The following HDHD2 variants were observed in gnomAD, a reference collection of about 807,000 sequenced individuals.
The protein encoded by HDHD2 is haloacid dehalogenase-like hydrolase domain-containing protein 2.
Under a neutral mutation model 24.8 loss-of-function variants are expected in HDHD2, and 26 were observed. The ratio of observed to expected loss-of-function variants is 1.05; its 90% CI spans 0.77 to 1.45. The LOEUF is 1.45. Ranked by LOEUF, HDHD2 falls within the 40% of genes most tolerant of loss-of-function variation. The pLI, the probability that HDHD2 is intolerant of heterozygous loss-of-function variation, is 0.00. For missense variants in HDHD2, 299 were observed against 313.4 expected, an observed-to-expected ratio of 0.95 and a Z score of 0.35; for synonymous variants, 128 against 114.9, an observed-to-expected ratio of 1.11 and a Z score of -0.73.
chr18:47,135,163 C>A (rs866597244), intron 2 of HDHD2, among the ~76,000 whole-genome samples: 1 of 152,066 alleles, frequency 6.6e-6, no homozygotes, highest in Non-Finnish European at 1.5e-5. Context: ...TTCTTGATTC[C>A]CCAAATGAAA....
Position 47,134,583 on chromosome 18 carries a change from A to T in HDHD2, c.223T>A (p.Ser75Thr). ...AGTAAACTTCTGGCTGCAGTCAGAG[A>T]TGTGAATATTTCATCTTCAGAGATA... ...FDISEDEIFTSLTAARSLLER... is the reference protein window; with the variant it reads ...FDISEDEIFTTLTAARSLLER... Residue 75 changes from serine (S) to threonine (T), a missense_variant, in exon 3 of 7, where the codon TCT (serine) becomes ACT (threonine). Ser to Thr is a moderately conservative substitution (Grantham distance 58). Coordinates refer to ENST00000300605, the MANE Select transcript of HDHD2 (RefSeq NM_032124.5). The T allele has an allele frequency of 6.2e-7, 1 of 1,613,936 alleles. No homozygotes were observed. Among genetic ancestry groups the T allele is most frequent in the Non-Finnish European group, 8.5e-7 (1 of 1,179,810 alleles).
At chr18:47,146,769 G>C (rs533778653) in intron 1 of HDHD2, among the ~76,000 whole-genome samples, 5 of 152,120 alleles carry the variant, frequency 3.3e-5, no homozygotes, top group African/African-American at 4.8e-5. Flanking sequence ...TCATATTATA[G>C]TACTCAAAAA....
At chr18:47,147,061 G>T (rs980771042) in intron 1 of HDHD2, among the ~76,000 whole-genome samples, 1 of 152,094 alleles carries the variant, frequency 6.6e-6, no homozygotes, top group Non-Finnish European at 1.5e-5. Flanking sequence ...ATTTTAGTCA[G>T]TTTTTTCTCA....
In HDHD2 at chr18:47,108,636, A is replaced by G. The variant is rs2063491780; in HGVS notation, c.*46T>C. 2 of 1,026,224 alleles carry G rather than the reference A, an allele frequency of 1.9e-6. No individual in the cohort carries two copies. The highest frequency in any genetic ancestry group is 3.0e-6 in the Non-Finnish European group (2 of 663,446). 63.6% of individuals were successfully genotyped at this position (1,026,224 alleles called of 1,614,324 possible). A position where few individuals can be genotyped will look rare whatever the true frequency, so the allele number is the denominator to read the frequency against. ...TGAGTTGGTAAGGGATTCATTCCAG[A>G]CAATAAGAAGCTGCATTTCAAGTTG... is the stretch of plus-strand genomic sequence containing the variant. On this transcript the variant is annotated 3_prime_UTR_variant, in exon 7 of 7. Transcript: ENST00000300605.
At chr18:47,117,826 A>G (rs543583252) in intron 4 of HDHD2, among the ~76,000 whole-genome samples, 1 of 151,916 alleles carries the variant, frequency 6.6e-6, no homozygotes, top group African/African-American at 2.4e-5. Flanking sequence ...TGTAATTATT[A>G]TAAGAAATAA....
chr18:47,123,058 A>G (rs4520924), intron 4 of HDHD2, among the ~76,000 whole-genome samples: 1 of 152,318 alleles, frequency 6.6e-6, no homozygotes, highest in East Asian at 1.9e-4. Context: ...GGAGTCCCAG[A>G]CAGTGTAACA....
chr18:47,108,815 G>A (rs2063493546), intron 6 of HDHD2, 30 bp from the exon 7 acceptor site: 3 of 1,363,354 alleles, frequency 2.2e-6, no homozygotes, highest in South Asian at 1.2e-5. Context: ...AGTAAACACA[G>A]GCTGCCACCA....
At chr18:47,138,686 C>T (rs977038276) in intron 1 of HDHD2, among the ~76,000 whole-genome samples, 16 of 152,178 alleles carry the variant, frequency 1.1e-4, no homozygotes, top group African/African-American at 3.6e-4. Context: ...ATTTTTTCCA[C>T]GATTCCTGGC....
At chr18:47,130,863 T>C (rs1000723745) in intron 3 of HDHD2, among the ~76,000 whole-genome samples, 11 of 152,232 alleles carry the variant, frequency 7.2e-5, no homozygotes, top group African/African-American at 2.7e-4. Context: ...TATCTACTTT[T>C]AGTTTCAGAA....
At chr18:47,135,234 G>A (rs1242038030) in intron 2 of HDHD2, among the ~76,000 whole-genome samples, 1 of 150,432 alleles carries the variant, frequency 6.6e-6, no homozygotes, top group East Asian at 2.0e-4. Context: ...ACCTGGCACT[G>A]TGATATGAGT....
chr18:47,147,517 T>C (rs1388704267), intron 1 of HDHD2, among the ~76,000 whole-genome samples: 1 of 152,196 alleles, frequency 6.6e-6, no homozygotes, highest in Non-Finnish European at 1.5e-5. Context: ...GGCATTTTCT[T>C]TTCATATATA....
intron 4 of HDHD2, among the ~76,000 whole-genome samples, chr18:47,123,808 C>G (rs1034305037): frequency 1.3e-5 from 2 of 152,086 alleles, no homozygotes; most frequent in Admixed American, 6.5e-5. Context: ...CTGTCCAAAT[C>G]CATAGATTTA....
At chr18:47,141,515 A>T (rs1308386951) in intron 1 of HDHD2, among the ~76,000 whole-genome samples, 1 of 152,168 alleles carries the variant, frequency 6.6e-6, no homozygotes, top group Non-Finnish European at 1.5e-5. Flanking sequence ...GTGTCCTCAT[A>T]TATTATTTCA....
chr18:47,142,463 A>G (rs1033250427), intron 1 of HDHD2, among the ~76,000 whole-genome samples: 3 of 152,006 alleles, frequency 2.0e-5, no homozygotes, highest in African/African-American at 7.2e-5. Flanking sequence ...ACCCCAAAAA[A>G]CCCTAAAACC....
chr18:47,144,812 AAAG>A (rs1266764388), intron 1 of HDHD2, among the ~76,000 whole-genome samples: 416 of 149,338 alleles, frequency 2.8e-3, no homozygotes, highest in African/African-American at 9.7e-3. Flanking sequence ...AAAAAAAAAA[AAAG>A]AAAAGAAAAG....
chr18:47,115,193 A>C lies in HDHD2; in HGVS notation c.551T>G (p.Phe184Cys). ...AGTGCCCCGCAATGCTTCCAAAAAG[A>C]ACGTCTTCTCTGGTTTCCCCACGAC... ...ATVVGKPEKT[F>C]FLEALRGTGC... Residue 184 changes from phenylalanine (F) to cysteine (C), a missense_variant, in exon 5 of 7, where the codon TTC becomes TGC. Transcript: ENST00000300605. The C allele has an allele frequency of 6.2e-7, 1 of 1,613,964 alleles. No homozygotes were observed. Among genetic ancestry groups the C allele is most frequent in the South Asian group, 1.1e-5 (1 of 91,072 alleles).
intron 4 of HDHD2, among the ~76,000 whole-genome samples, chr18:47,117,882 T>C (rs910671917): frequency 1.3e-5 from 2 of 152,028 alleles, no homozygotes; most frequent in African/African-American, 4.8e-5. Flanking sequence ...TGCAGTGGTC[T>C]GCAACCAACT....
chr18:47,145,953 C>T (rs1294228415), intron 1 of HDHD2, among the ~76,000 whole-genome samples: 2 of 151,980 alleles, frequency 1.3e-5, no homozygotes, highest in Non-Finnish European at 2.9e-5. Context: ...CAAATCTGGC[C>T]GGGCACAGTG....
chr18:47,136,111 A>T (rs2063763497), intron 2 of HDHD2, among the ~76,000 whole-genome samples: 1 of 152,252 alleles, frequency 6.6e-6, no homozygotes, highest in African/African-American at 2.4e-5. Context: ...AATGACATAC[A>T]TATAGAACAA....
Sources: gnomAD v4.1 joint callset for allele counts (sites outside exome capture counted in the v4.1 genomes callset) on GRCh38, gnomAD v4.1.1 for gene constraint, MANE v1.5 for transcripts, NCBI Gene and HGNC (gene_info 2026-07-23, HGNC 2026-07-21) for gene names.